PLTP: variants seen among roughly 807,000 people sequenced by gnomAD.
PLTP encodes the protein BPI fold containing family E.
Under a neutral mutation model 54.1 loss-of-function variants are expected in PLTP, and 43 were observed. The ratio of observed to expected loss-of-function variants is 0.79; its 90% CI spans 0.62 to 1.02. The LOEUF (loss-of-function observed/expected upper bound fraction) is 1.02, where lower values mean the gene tolerates loss of function less well. PLTP is among the 50% of genes least tolerant of loss of function. The probability of loss-of-function intolerance (pLI) is 0.00; values close to 1 mark genes in which losing one functional copy is unlikely to be tolerated. For missense variants in PLTP, 604 were observed against 645.9 expected, an observed-to-expected ratio of 0.94 and a Z score of 0.70; for synonymous variants, 263 against 264.6, an observed-to-expected ratio of 0.99 and a Z score of 0.06.
At chr20:45,906,188 A>G in intron 8 of PLTP, 80 bp downstream of exon 8, 1 of 936,688 alleles carries the variant, frequency 1.1e-6, no homozygotes, top group Admixed American at 1.9e-5. Flanking sequence ...CTGTGCTTTA[A>G]GAAGTAAAAT....
intron 3 of PLTP, chr20:45,910,935 C>T (rs762876210): frequency 1.5e-5 from 22 of 1,434,072 alleles, no homozygotes; most frequent in South Asian, 7.3e-5. Context: ...GCCCCCTCTA[C>T]ATTTTCAAGG....
rs2083154500 is a variant in PLTP at position 45,899,509 on chromosome 20, G to A, written c.1312C>T (p.Leu438=). 2 of 1,614,022 alleles carry A rather than the reference G, an allele frequency of 1.2e-6. No homozygotes were observed. The highest frequency in any genetic ancestry group is 2.7e-5 in the African/African-American group (2 of 74,914). The part of the protein sequence containing the change: ...ERTWRGVQIP[L]PEGINFVHEV... ...TGCACAAAGTTGATGCCCTCAGGTAGTGGGATCTGCACCCCACGCCAGGTC... is the reference window on the plus strand; with the variant it reads ...TGCACAAAGTTGATGCCCTCAGGTAATGGGATCTGCACCCCACGCCAGGTC... Residue 438 remains leucine, a synonymous_variant, in exon 15 of 16, where the codon CTA becomes TTA. Transcript: ENST00000372431.
rs755637999 is a variant in PLTP, at chr20:45,906,294, T to C, written c.679A>G (p.Thr227Ala). The C allele has an allele frequency of 1.2e-6, 2 of 1,614,074 alleles. No homozygotes were observed. The highest frequency in any genetic ancestry group is 1.7e-6 in the Non-Finnish European group (2 of 1,179,942). ...YSLMKDPVASTSNLDMDFRGA... is the reference protein window; with the variant it reads ...YSLMKDPVASASNLDMDFRGA... ...CGGAAGTCCATGTCCAGGTTGCTGG[T>C]GGAAGCCACAGGATCCTTCATGAGG... The change falls in exon 8 of 16, where the codon ACC becomes GCC. Residue 227 changes from threonine to alanine, a missense_variant. Coordinates refer to ENST00000372431, the MANE Select transcript of PLTP (RefSeq NM_006227.4).
intron 5 of PLTP, among the ~76,000 whole-genome samples, chr20:45,908,957 T>G (rs2145839946): frequency 6.8e-6 from 1 of 148,028 alleles, no homozygotes; most frequent in Admixed American, 7.0e-5. Context: ...CAGGTGCTGT[T>G]CTAAATTTTT....
Position 45,905,003 on chromosome 20 carries a change from T to G in PLTP, c.821A>C (p.Asp274Ala). The change falls in exon 9 of 16, where the codon GAC becomes GCC. Residue 274 changes from aspartate (D) to alanine (A), a missense_variant. Transcript: ENST00000372431. ...VYVAFSEFFFDSAMESYFRAG... is the reference protein window; with the variant it reads ...VYVAFSEFFFASAMESYFRAG... ...CCGGAAGTAGCTCTCCATGGCAGAG[T>G]CGAAGAAGAACTCAGAGAAGGCCAC... 6.2e-7 allele frequency: 1 copy of G among 1,613,640 alleles called. No individual in the cohort carries two copies. The highest frequency in any genetic ancestry group is 8.5e-7 in the Non-Finnish European group (1 of 1,179,910).
chr20:45,905,648 C>T (rs2083232337), intron 8 of PLTP, among the ~76,000 whole-genome samples: 1 of 152,126 alleles, frequency 6.6e-6, no homozygotes, highest in Non-Finnish European at 1.5e-5. Flanking sequence ...ACTATGATGC[C>T]CAAGCTGGTC....
At position 45,909,529 on chromosome 20, in the gene PLTP, C is replaced by T. The variant is rs372924134; in HGVS notation, c.472G>A (p.Gly158Arg). Residue 158 changes from glycine (G) to arginine (R), a missense_variant, in exon 5 of 16, where the codon GGG becomes AGG. Gly to Arg is a moderately radical substitution (Grantham distance 125). Coordinates refer to ENST00000372431, the MANE Select transcript of PLTP (RefSeq NM_006227.4). ...ASVSRMHAAF[G>R]GTFKKVYDFL... ...GCTGGGGCTTACTTGAAGGTTCCCCCGAAGGCCGCGTGCATTCTGGAGACA... is the reference window on the plus strand; with the variant it reads ...GCTGGGGCTTACTTGAAGGTTCCCCTGAAGGCCGCGTGCATTCTGGAGACA... The T allele has an allele frequency of 9.3e-6, 15 of 1,613,976 alleles. No individual in the cohort carries two copies. The highest frequency in any genetic ancestry group is 5.3e-5 in the African/African-American group (4 of 74,898).
At chr20:45,901,058 T>G (rs2083179797) in intron 12 of PLTP, among the ~76,000 whole-genome samples, 1 of 152,170 alleles carries the variant, frequency 6.6e-6, no homozygotes, top group Non-Finnish European at 1.5e-5. Flanking sequence ...TCCTTTAACC[T>G]TAGAACAGCA....
intron 7 of PLTP, among the ~76,000 whole-genome samples, chr20:45,907,332 CAAAAAA>C (rs201245712): frequency 1.0e-5 from 1 of 99,596 alleles, no homozygotes; most frequent in African/African-American, 3.5e-5. Flanking sequence ...AGACTCCGTG[CAAAAAA>C]AAAAAAAAAA....
chr20:45,910,470 C>T (rs1310351732), intron 3 of PLTP, among the ~76,000 whole-genome samples: 1 of 152,044 alleles, frequency 6.6e-6, no homozygotes, highest in Non-Finnish European at 1.5e-5. Flanking sequence ...CAAAACTTAG[C>T]AGACCGTGGT....
intron 10 of PLTP, 140 bp from the exon 11 acceptor site, chr20:45,902,744 C>T (rs2083199350): frequency 8.6e-6 from 7 of 817,110 alleles, no homozygotes; most frequent in Non-Finnish European, 1.1e-5. Flanking sequence ...CTCTGGCTTC[C>T]AAAACTCTCA....
chr20:45,900,695 CTT>C (rs779715453), intron 12 of PLTP, among the ~76,000 whole-genome samples: 3 of 151,740 alleles, frequency 2.0e-5, no homozygotes, highest in Non-Finnish European at 4.4e-5. Flanking sequence ...GACCAACTAA[CTT>C]TTAAATTTTT....
rs768240643 is a variant in PLTP, at chr20:45,904,804, A to T, written c.938T>A (p.Leu313Gln). The T allele has an allele frequency of 6.2e-7, 1 of 1,614,026 alleles. No individual in the cohort carries two copies. The highest frequency in any genetic ancestry group is 8.5e-7 in the Non-Finnish European group (1 of 1,179,988). Residue 313 changes from leucine to glutamine, a missense_variant, in exon 10 of 16, where the codon CTG becomes CAG. Transcript: ENST00000372431. ...CCTGCCCCCGCCAGCACTCACCAGC[A>T]GGACAATGCTCCCAAAGTAGGTGGC... The part of the protein sequence containing the change: ...LRATYFGSIV[L>Q]LSPAVIDSPL...
chr20:45,910,742 C>G, intron 3 of PLTP: 4 of 848,422 alleles, frequency 4.7e-6, no homozygotes, highest in Non-Finnish European at 6.2e-6. Flanking sequence ...CGTCTCACAT[C>G]TCAATTCCTT....
chr20:45,911,611 C>A, intron 1 of PLTP, 148 bp from the exon 2 acceptor site: 1 of 1,088,266 alleles, frequency 9.2e-7, no homozygotes, highest in Non-Finnish European at 1.3e-6. Context: ...CTCCATATGG[C>A]AGATGTGGAA....
At position 45,909,582 on chromosome 20, in the gene PLTP, T is replaced by A; in HGVS notation, c.419A>T (p.Lys140Ile). 1 of 1,614,118 alleles carries A rather than the reference T, an allele frequency of 6.2e-7. No homozygotes were observed. The highest frequency in any genetic ancestry group is 8.5e-7 in the Non-Finnish European group (1 of 1,180,006). ...GGCCTGGCAGGAGACATTGGACACT[T>A]TCATCCGTCCAGCGGGATCCCGGGA... ...ELSRDPAGRM[K>I]VSNVSCQASV... is the part of the protein sequence containing the mutation. Residue 140 changes from lysine (K) to isoleucine (I), a missense_variant, in exon 5 of 16, where the codon AAA becomes ATA. Lys to Ile is a moderately radical substitution (Grantham distance 102, BLOSUM62 -3). Transcript: ENST00000372431.
chr20:45,900,294 C>T (rs956868391), intron 12 of PLTP, among the ~76,000 whole-genome samples: 9 of 151,200 alleles, frequency 6.0e-5, no homozygotes, highest in African/African-American at 1.2e-4. Flanking sequence ...TTAGTAGAGA[C>T]GGGGTTTCAC....
intron 1 of PLTP, 54 bp from the exon 2 acceptor site, chr20:45,911,517 T>C: frequency 6.3e-7 from 1 of 1,596,354 alleles, no homozygotes; most frequent in Non-Finnish European, 8.5e-7. Flanking sequence ...ACCCATTCCT[T>C]GGACGTCCAA....
At chr20:45,910,126 G>T in intron 3 of PLTP, 56 bp from the exon 4 acceptor site, 1 of 1,602,490 alleles carries the variant, frequency 6.2e-7, no homozygotes, top group Non-Finnish European at 8.5e-7. Flanking sequence ...TTCCCCCAAC[G>T]ACAGGAAATT....
Sources: gnomAD v4.1 joint callset for allele counts (sites outside exome capture counted in the v4.1 genomes callset) on GRCh38, gnomAD v4.1.1 for gene constraint, MANE v1.5 for transcripts, NCBI Gene and HGNC (gene_info 2026-07-23, HGNC 2026-07-21) for gene names.